NOTCH2: variants seen among roughly 807,000 people sequenced by gnomAD.
NOTCH2 encodes the protein neurogenic locus notch homolog protein 2.
A neutral mutation model predicts 235.8 loss-of-function variants in NOTCH2; 29 were observed. The observed-to-expected ratio is 0.12, with a 90% CI of 0.09 to 0.17. The LOEUF is 0.17. Ranked by LOEUF, NOTCH2 falls within the 10% of genes least tolerant of loss-of-function variation. The pLI, the probability that NOTCH2 is intolerant of heterozygous loss-of-function variation, is 1.00. For synonymous variants in NOTCH2, 1,086 were observed against 1,141.5 expected, an observed-to-expected ratio of 0.95 and a Z score of 0.98; for missense variants, 2,285 against 3,150.2, an observed-to-expected ratio of 0.73 and a Z score of 6.57.
chr1:119,954,974 C>A (rs2101124103), intron 13 of NOTCH2, 66 bp downstream of exon 13: 5 of 1,534,472 alleles, frequency 3.3e-6, no homozygotes, highest in Non-Finnish European at 4.5e-6. Context: ...AGGCTGTCAC[C>A]AGTACTACAA....
At chr1:119,944,467 G>A (rs1176185080) in intron 17 of NOTCH2, among the ~76,000 whole-genome samples, 3 of 151,206 alleles carry the variant, frequency 2.0e-5, no homozygotes, top group South Asian at 2.1e-4. Context: ...CCCAGGAGGC[G>A]GAGCTTGCAT....
At chr1:119,996,308 G>C (rs1202499268) in intron 4 of NOTCH2, 30 of 304,818 alleles carry the variant, frequency 9.8e-5, no homozygotes, top group Non-Finnish European at 1.3e-5. Context: ...TAGAACACTT[G>C]TATCAGTGAA....
intron 12 of NOTCH2, among the ~76,000 whole-genome samples, chr1:119,958,737 T>A (rs1392833309): frequency 6.6e-6 from 1 of 151,804 alleles, no homozygotes; most frequent in Non-Finnish European, 1.5e-5. Context: ...TGTGTGTGTG[T>A]GTGTCTGTGT....
intron 5 of NOTCH2, among the ~76,000 whole-genome samples, chr1:119,975,120 T>C (rs1314845547): frequency 1.3e-5 from 2 of 152,202 alleles, no homozygotes; most frequent in African/African-American, 4.8e-5. Flanking sequence ...GGGTGTGAGA[T>C]TGCTGCAGAT....
At chr1:120,034,335 CAA>C (rs558577685) in intron 1 of NOTCH2, among the ~76,000 whole-genome samples, 67 of 55,768 alleles carry the variant, frequency 1.2e-3, no homozygotes, top group Middle Eastern at 0.024. Flanking sequence ...TCTACTCCAC[CAA>C]AAAAAAAAAA....
In NOTCH2 at chr1:119,916,611, G is replaced by A; in HGVS notation, c.6111C>T (p.Asp2037=). ...KILLDHFANR[D]ITDHMDRLPR... Reference sequence around the variant, plus strand: ...GAAGACGATCCATATGGTCTGTGATGTCTCGATTGGCAAAATGGTCTAACA... The same window carrying A: ...GAAGACGATCCATATGGTCTGTGATATCTCGATTGGCAAAATGGTCTAACA... The change falls in exon 34 of 34, where the codon GAC becomes GAT. Residue 2037 remains aspartate, a synonymous_variant. Transcript: ENST00000256646. 1 of 1,614,170 alleles carries A rather than the reference G, an allele frequency of 6.2e-7. No homozygotes were observed. The highest frequency in any genetic ancestry group is 8.5e-7 in the Non-Finnish European group (1 of 1,180,026).
intron 7 of NOTCH2, 92 bp from the exon 8 acceptor site, chr1:119,967,713 GGGCC>G: frequency 9.1e-7 from 1 of 1,104,090 alleles, no homozygotes; most frequent in Non-Finnish European, 1.4e-6. Context: ...TATAGCATCA[GGGCC>G]AGGCCTTCAA....
In NOTCH2 at chr1:119,912,636, A is replaced by G. The variant is rs1267961683; in HGVS notation, c.*2670T>C. Reference sequence around the variant, plus strand: ...GGCAGAAGAGGAGTCAAAGAAAGAAAGCATTTATAACAATAAAAATAAACC... The same window carrying G: ...GGCAGAAGAGGAGTCAAAGAAAGAAGGCATTTATAACAATAAAAATAAACC... On this transcript the variant is annotated 3_prime_UTR_variant, in exon 34 of 34. Transcript: ENST00000256646. 4.3e-6 allele frequency: 1 copy of G among 233,116 alleles called. No individual in the cohort carries two copies. The highest frequency in any genetic ancestry group is 6.0e-5 in the East Asian group (1 of 16,554). 14.4% of individuals were successfully genotyped at this position (233,116 alleles called of 1,614,324 possible).
intron 2 of NOTCH2, among the ~76,000 whole-genome samples, chr1:120,014,726 G>C (rs1429260947): frequency 8.8e-6 from 1 of 113,248 alleles, no homozygotes; most frequent in Non-Finnish European, 1.8e-5. Flanking sequence ...AATGGCTGCA[G>C]TTCAGGATCA....
At position 119,929,061 on chromosome 1, in the gene NOTCH2, G is replaced by A. The variant is rs1553194805; in HGVS notation, c.3807C>T (p.Leu1269=). Residue 1269 remains leucine, a synonymous_variant, in exon 23 of 34, where the codon CTC becomes CTT. Transcript: ENST00000256646. The part of the protein sequence containing the change: ...ERCEGDINEC[L]SNPCSSEGSL... ...TGCCCTCAGAGCTGCAGGGGTTGGA[G>A]AGGCACTCGTTGATGTCTCCCTCAC... 6.2e-7 allele frequency: 1 copy of A among 1,614,156 alleles called. No individual in the cohort carries two copies. The highest frequency in any genetic ancestry group is 8.5e-7 in the Non-Finnish European group (1 of 1,180,042).
chr1:119,977,777 G>A (rs1272453846), intron 5 of NOTCH2, among the ~76,000 whole-genome samples: 2 of 152,192 alleles, frequency 1.3e-5, no homozygotes, highest in African/African-American at 4.8e-5. Flanking sequence ...AAGGTAAGAA[G>A]AGCTGTGAAT....
Position 119,922,703 on chromosome 1 carries a change from T to G in NOTCH2, c.4935A>C (p.Ala1645=). ...DSDHCFKNTD[A]AAALLASHAI... The stretch of plus-strand genomic sequence containing the variant: ...CGTGAGAGGCCAGGAGAGCTGCTGC[T>G]GCATCCGTGTTCTTGAAGCAGTGGT... The change falls in exon 27 of 34, where the codon GCA becomes GCC. Residue 1645 remains alanine (A), a synonymous_variant. Transcript: ENST00000256646. 6.2e-7 allele frequency: 1 copy of G among 1,614,244 alleles called. No homozygotes were observed. Among genetic ancestry groups the G allele is most frequent in the Non-Finnish European group, 8.5e-7 (1 of 1,180,046 alleles).
chr1:119,938,434 G>A (rs914464757), intron 19 of NOTCH2, among the ~76,000 whole-genome samples: 4 of 152,026 alleles, frequency 2.6e-5, no homozygotes, highest in African/African-American at 7.3e-5. Context: ...ATAAAAACAA[G>A]ATAATTATTT....
At position 119,925,555 on chromosome 1, in the gene NOTCH2, G is replaced by A. The variant is rs1570663978; in HGVS notation, c.4261C>T (p.Pro1421Ser). The change falls in exon 25 of 34, where the codon CCT becomes TCT. Residue 1421 changes from proline to serine, a missense_variant. Physicochemically the swap from Pro to Ser is moderately conservative, Grantham distance 74. This residue lies in a region of NOTCH2 where 1,173 missense variants were observed against 1,515.3 expected (regional missense o/e 0.77). Transcript: ENST00000256646. ...TACTGGCTCAGACAGGTGGCAGGAG[G>A]GGTGCTGGGGGGTGCCGTGTAGAGT... ...CELYTAPPST[P>S]PATCLSQYCA... is the part of the protein sequence containing the mutation. 6.2e-7 allele frequency: 1 copy of A among 1,614,162 alleles called. No individual in the cohort carries two copies. The highest frequency in any genetic ancestry group is 8.5e-7 in the Non-Finnish European group (1 of 1,180,032).
chr1:119,966,136 A>T (rs1553199627), intron 9 of NOTCH2, among the ~76,000 whole-genome samples: 1 of 152,212 alleles, frequency 6.6e-6, no homozygotes, highest in African/African-American at 2.4e-5. Context: ...AAATATATAC[A>T]CAGACGAAGA....
chr1:120,011,309 T>A (rs2604040), intron 2 of NOTCH2, among the ~76,000 whole-genome samples: 5,607 of 151,490 alleles, frequency 0.037, no homozygotes, highest in East Asian at 0.12. Flanking sequence ...TTTGTCTCTC[T>A]ACAATTTCCA....
At chr1:120,035,117 TTAGAC>T (rs1654258096) in intron 1 of NOTCH2, among the ~76,000 whole-genome samples, 1 of 151,202 alleles carries the variant, frequency 6.6e-6, no homozygotes, top group African/African-American at 2.4e-5. Context: ...TCATCCCTTT[TTAGAC>T]TAGACTGAAG....
chr1:119,995,791 C>CA, intron 4 of NOTCH2: 1 of 152,252 alleles, frequency 6.6e-6, no homozygotes, highest in Non-Finnish European at 1.5e-5. Context: ...ATTCCAAATA[C>CA]ATAGCATGGT....
chr1:119,999,666 G>T (rs1231633405), intron 3 of NOTCH2, among the ~76,000 whole-genome samples: 2 of 151,960 alleles, frequency 1.3e-5, no homozygotes, highest in Non-Finnish European at 2.9e-5. Context: ...CAGATCACTT[G>T]TGGTTAGGAG....
Sources: gnomAD v4.1 joint callset for allele counts (sites outside exome capture counted in the v4.1 genomes callset) on GRCh38, gnomAD v4.1.1 for gene constraint, gnomAD v4.1.1 regional missense constraint, MANE v1.5 for transcripts, NCBI Gene and HGNC (gene_info 2026-07-23, HGNC 2026-07-21) for gene names.